GNAT3: variants seen among roughly 807,000 people sequenced by gnomAD.
GNAT3 encodes guanine nucleotide-binding protein G(t) subunit alpha-3.
A neutral mutation model predicts 37.7 loss-of-function variants in GNAT3; 31 were observed. The observed-to-expected ratio is 0.82, with a 90% CI of 0.62 to 1.11. The LOEUF is 1.11. GNAT3 is among the 50% of genes most tolerant of loss of function. The pLI, the probability that GNAT3 is intolerant of heterozygous loss-of-function variation, is 0.00. For synonymous variants in GNAT3, 138 were observed against 139.8 expected, an observed-to-expected ratio of 0.99 and a Z score of 0.09; for missense variants, 437 against 412.5, an observed-to-expected ratio of 1.06 and a Z score of -0.51.
chr7:80,499,845 C>A (rs1428630168), intron 1 of GNAT3, among the ~76,000 whole-genome samples: 1 of 152,058 alleles, frequency 6.6e-6, no homozygotes, highest in African/African-American at 2.4e-5. Flanking sequence ...AAGTCAGTTT[C>A]CTCTATTATA....
At chr7:80,465,709 C>T (rs1472996152) in intron 5 of GNAT3, among the ~76,000 whole-genome samples, 2 of 152,084 alleles carry the variant, frequency 1.3e-5, no homozygotes, top group Non-Finnish European at 2.9e-5. Context: ...CTATCCTTCT[C>T]CCAGGCCAGG....
chr7:80,487,351 TTG>T (rs1790507480), intron 3 of GNAT3, among the ~76,000 whole-genome samples: 1 of 152,078 alleles, frequency 6.6e-6, no homozygotes. Flanking sequence ...GAGAGATAGA[TTG>T]GAGCAAACTG....
chr7:80,469,647 T>C (rs1790177271), intron 5 of GNAT3, among the ~76,000 whole-genome samples: 1 of 152,176 alleles, frequency 6.6e-6, no homozygotes, highest in Non-Finnish European at 1.5e-5. Flanking sequence ...TAATTTAGTA[T>C]GTAAATTGAG....
chr7:80,468,044 G>A lies in GNAT3; in HGVS notation c.591-5413C>T, dbSNP rs191166173. Among the ~76,000 whole-genome samples the A allele has an allele frequency of 2.2e-3, 340 of 151,956 alleles. 16 individuals carry two copies. In the South Asian group the frequency reaches 0.058, roughly 26 times the overall value. ...AATTTAAATAACTAAAATTTATGAT[G>A]TAGCTAAAAATTGACAGGCCAGGCT... On this transcript the variant is annotated intron_variant, in intron 5 of 7. Coordinates refer to ENST00000398291, the MANE Select transcript of GNAT3 (RefSeq NM_001102386.3).
chr7:80,507,391 G>A (rs1790967403), intron 1 of GNAT3, among the ~76,000 whole-genome samples: 1 of 151,822 alleles, frequency 6.6e-6, no homozygotes, highest in African/African-American at 2.4e-5. Context: ...TTTAACCTGA[G>A]TCTTGAGTCC....
chr7:80,501,847 A>G (rs1371223315), intron 1 of GNAT3, among the ~76,000 whole-genome samples: 1 of 151,956 alleles, frequency 6.6e-6, no homozygotes, highest in Non-Finnish European at 1.5e-5. Flanking sequence ...TACTTATATG[A>G]CTACAAGTAC....
At chr7:80,479,710 C>CA (rs56730701) in intron 3 of GNAT3, among the ~76,000 whole-genome samples, 10,147 of 79,066 alleles carry the variant, frequency 0.13, 723 homozygotes, top group East Asian at 0.27. Context: ...GACCCTGTCT[C>CA]AAAAAAAAAA....
In GNAT3 at chr7:80,474,287, A is replaced by G. The variant is rs1790267324; in HGVS notation, c.554T>C (p.Ile185Thr). 3 of 1,599,312 alleles carry G rather than the reference A, an allele frequency of 1.9e-6. No individual in the cohort carries two copies. The South Asian group carries it at 3.4e-5, about 18-fold the overall frequency. The change falls in exon 5 of 8, where the codon ATT becomes ACT. Residue 185 changes from isoleucine (I) to threonine (T), a missense_variant. Ile to Thr is a moderately conservative substitution (Grantham distance 89, BLOSUM62 -1). Transcript: ENST00000398291. ...LHSRVKTTGIIETQFSFKDLH... is the reference protein window; with the variant it reads ...LHSRVKTTGITETQFSFKDLH... ...GTCTTTAAAGGAGAATTGAGTTTCA[A>G]TGATTCCAGTCGTTTTCACTCGAGA...
intron 5 of GNAT3, among the ~76,000 whole-genome samples, chr7:80,472,084 CAAA>C (rs552469948): frequency 9.9e-5 from 15 of 151,834 alleles, no homozygotes; most frequent in African/African-American, 3.6e-4. Context: ...GAAACAGAAA[CAAA>C]AAGAGAAAAC....
chr7:80,491,868 T>C (rs933912929), intron 2 of GNAT3, among the ~76,000 whole-genome samples: 2 of 152,154 alleles, frequency 1.3e-5, no homozygotes, highest in Non-Finnish European at 2.9e-5. Flanking sequence ...ACTTGCTCTT[T>C]TTAAATAATA....
At position 80,462,973 on chromosome 7, in the gene GNAT3, G is replaced by A. The variant is rs1790075902; in HGVS notation, c.591-342C>T. Among the ~76,000 whole-genome samples, 3 of 152,066 alleles carry A rather than the reference G, an allele frequency of 2.0e-5. No individual in the cohort carries two copies. In the South Asian group the frequency reaches 6.2e-4, roughly 32 times the overall value. ...TTAGACATATTCTCTTGAATGAAAA[G>A]AAACTGCAAGAAGATTGGAAGTTAC... On this transcript the variant is annotated intron_variant, in intron 5 of 7. Coordinates refer to ENST00000398291, the MANE Select transcript of GNAT3 (RefSeq NM_001102386.3).
rs538234626 is a variant in GNAT3 at position 80,499,053 on chromosome 7, C to A, written c.119-4406G>T. 9.8e-4 allele frequency among the ~76,000 whole-genome samples: 149 copies of A among 152,242 alleles called. 1 individual carries two copies. Among genetic ancestry groups the A allele is most frequent in the East Asian group, 1.2e-3 (6 of 5,184 alleles). ...TCAAACAGGCAAAATGAGATTACAA[C>A]ATTGTGACTTGTAATCACACATAAG... On this transcript the variant is annotated intron_variant, in intron 1 of 7. Coordinates refer to ENST00000398291, the MANE Select transcript of GNAT3 (RefSeq NM_001102386.3).
intron 7 of GNAT3, among the ~76,000 whole-genome samples, chr7:80,460,945 A>G (rs537335030): frequency 6.6e-6 from 1 of 152,080 alleles, no homozygotes; most frequent in South Asian, 2.1e-4. Flanking sequence ...TTCTCTGTAC[A>G]CTAGAAACTG....
intron 1 of GNAT3, among the ~76,000 whole-genome samples, chr7:80,510,767 A>T (rs1411695498): frequency 2.0e-5 from 3 of 152,108 alleles, no homozygotes; most frequent in Non-Finnish European, 2.9e-5. Flanking sequence ...CTTCTGAAAC[A>T]CTCTTGCCAC....
intron 3 of GNAT3, among the ~76,000 whole-genome samples, chr7:80,479,489 G>A (rs944866797): frequency 6.6e-6 from 1 of 151,974 alleles, no homozygotes; most frequent in African/African-American, 2.4e-5. Context: ...GGAGGCCGAG[G>A]TGGGTAGATC....
At chr7:80,483,644 C>T (rs1008111637) in intron 3 of GNAT3, among the ~76,000 whole-genome samples, 4 of 152,066 alleles carry the variant, frequency 2.6e-5, no homozygotes, top group Non-Finnish European at 4.4e-5. Flanking sequence ...TCTCTCCCTG[C>T]CACCAAGACT....
At chr7:80,458,901 T>C in intron 7 of GNAT3, 40 bp from the exon 8 acceptor site, 1 of 1,326,458 alleles carries the variant, frequency 7.5e-7, no homozygotes, top group Non-Finnish European at 1.0e-6. Context: ...AGATTAATCA[T>C]ATGTTACAAA....
At chr7:80,508,788 C>T (rs1051480236) in intron 1 of GNAT3, among the ~76,000 whole-genome samples, 1 of 151,832 alleles carries the variant, frequency 6.6e-6, no homozygotes, top group Non-Finnish European at 1.5e-5. Context: ...ATCTTGTGTT[C>T]GATAATACCA....
intron 1 of GNAT3, among the ~76,000 whole-genome samples, chr7:80,501,541 CA>C (rs1241819880): frequency 2.0e-5 from 3 of 151,792 alleles, no homozygotes; most frequent in East Asian, 1.9e-4. Flanking sequence ...CTGATTGTTT[CA>C]AAAAAATGTT....
Sources: allele counts gnomAD v4.1 joint callset (sites outside exome capture counted in the v4.1 genomes callset), GRCh38; gene constraint gnomAD v4.1.1; transcripts MANE v1.5; gene names NCBI Gene and HGNC (gene_info 2026-07-23, HGNC 2026-07-21).